Variants in DMD observed in about 807,000 individuals in gnomAD.
DMD encodes mutant dystrophin.
DMD carries 63 observed loss-of-function variants against 330.1 expected under a neutral mutation model. That is an observed-to-expected ratio of 0.19 (90% CI 0.16 to 0.24). The LOEUF (loss-of-function observed/expected upper bound fraction) is 0.24, where lower values mean the gene tolerates loss of function less well. Among genes scored for constraint, DMD ranks in the 10% least tolerant of loss-of-function variants. DMD has a pLI of 1.00. For missense variants in DMD, 3,344 were observed against 2,684.1 expected (o/e 1.25, Z -5.43); for synonymous variants, 1,223 against 959.8 (o/e 1.27, Z -5.07).
chrX:31,636,869 A>C (rs1264963498), intron 54 of DMD, among the ~76,000 whole-genome samples: 1 of 111,718 alleles, frequency 9.0e-6, no homozygotes, highest in Non-Finnish European at 1.9e-5. Flanking sequence ...TTGATTTAGA[A>C]AGAAGGCATT....
chrX:33,052,033 T>C (rs2094464259), intron 1 of DMD, among the ~76,000 whole-genome samples: 1 of 111,524 alleles, frequency 9.0e-6, no homozygotes, highest in African/African-American at 3.3e-5. Flanking sequence ...CAAAGACTTT[T>C]CTGAAATGTA....
At chrX:32,998,616 C>T (rs113983630) in intron 2 of DMD, among the ~76,000 whole-genome samples, 1,246 of 44,902 alleles carry the variant, frequency 0.028, 26 homozygotes, top group African/African-American at 0.06. Flanking sequence ...TATATATATA[C>T]ACACACACAC....
At chrX:32,829,987 G>C (rs2079032781) in intron 4 of DMD, among the ~76,000 whole-genome samples, 1 of 111,699 alleles carries the variant, frequency 9.0e-6, no homozygotes, top group Non-Finnish European at 1.9e-5. Context: ...TTTTGGTTGT[G>C]TTTTGTCTCT....
At chrX:33,214,189 G>A (rs189457813), upstream of DMD, among the ~76,000 whole-genome samples, 178 of 109,735 alleles carry the variant, frequency 1.6e-3, 1 homozygote, top group Non-Finnish European at 1.2e-3. Context: ...GGATATTTTC[G>A]TTGTTTCCAG....
At chrX:31,596,538 T>C in intron 55 of DMD, among the ~76,000 whole-genome samples, 1 of 111,658 alleles carries the variant, frequency 9.0e-6, no homozygotes, top group Non-Finnish European at 1.9e-5. Flanking sequence ...ATTTCAACTC[T>C]CAGAACCTGG....
intron 2 of DMD, among the ~76,000 whole-genome samples, chrX:32,901,266 T>C (rs1468053924): frequency 9.0e-6 from 1 of 111,639 alleles, no homozygotes; most frequent in East Asian, 2.8e-4. Flanking sequence ...GAAGGTAATC[T>C]CCCTTCTTAC....
intron 2 of DMD, among the ~76,000 whole-genome samples, chrX:32,871,631 T>C (rs748815081): frequency 3.6e-5 from 4 of 111,625 alleles, no homozygotes; most frequent in East Asian, 5.7e-4. Flanking sequence ...GCTGGGAAGA[T>C]TGTGTAAGAT....
At chrX:31,296,229 C>T (rs1056314242) in intron 62 of DMD, among the ~76,000 whole-genome samples, 1 of 111,051 alleles carries the variant, frequency 9.0e-6, no homozygotes, top group African/African-American at 3.3e-5. Flanking sequence ...TGGGAATAAA[C>T]TGAATGATTG....
chrX:32,469,673 T>C (rs2040416035), intron 22 of DMD, among the ~76,000 whole-genome samples: 2 of 111,629 alleles, frequency 1.8e-5, no homozygotes, highest in Admixed American at 1.9e-4. Flanking sequence ...AACTACACTT[T>C]GAGCTAGGTG....
At chrX:33,274,165 A>T (rs1410402792) in intron 1 of DMD, among the ~76,000 whole-genome samples, 1 of 112,231 alleles carries the variant, frequency 8.9e-6, no homozygotes, top group Non-Finnish European at 1.9e-5. Context: ...CAGGATTTAT[A>T]TAATTAGCTC....
At chrX:33,239,267 C>T (rs1328133414) in intron 1 of DMD, among the ~76,000 whole-genome samples, 16 of 50,628 alleles carry the variant, frequency 3.2e-4, no homozygotes, top group African/African-American at 1.2e-3. Flanking sequence ...GAGCAAGACT[C>T]TGTCTCCAAA....
At chrX:32,800,607 T>G (rs1168095046) in intron 7 of DMD, among the ~76,000 whole-genome samples, 2 of 111,353 alleles carry the variant, frequency 1.8e-5, no homozygotes, top group Admixed American at 9.6e-5. Flanking sequence ...GTGCAGAACG[T>G]GCAGGTTTGT....
At chrX:33,297,054 G>C (rs1396230358) in intron 1 of DMD, among the ~76,000 whole-genome samples, 1 of 110,476 alleles carries the variant, frequency 9.1e-6, no homozygotes, top group Non-Finnish European at 1.9e-5. Context: ...AGATGAGGTG[G>C]GATACACTAA....
chrX:31,454,596 T>C (rs1011588315), intron 59 of DMD, among the ~76,000 whole-genome samples: 6 of 111,786 alleles, frequency 5.4e-5, no homozygotes, highest in African/African-American at 1.3e-4. Context: ...GTGCATCTCA[T>C]TGTCATGTGG....
intron 53 of DMD, among the ~76,000 whole-genome samples, chrX:31,662,677 T>C (rs1169016539): frequency 9.0e-6 from 1 of 111,650 alleles, no homozygotes; most frequent in Non-Finnish European, 1.9e-5. Context: ...CCAGGAAGTT[T>C]TGCTTGTCCA....
intron 55 of DMD, among the ~76,000 whole-genome samples, chrX:31,626,284 C>CG: frequency 9.0e-6 from 1 of 111,487 alleles, no homozygotes; most frequent in African/African-American, 3.3e-5. Flanking sequence ...CGCATCTGGC[C>CG]GGGAAACCCA....
Position 32,974,397 on chromosome X carries a change from C to T in DMD, c.93+45742G>A, listed in dbSNP as rs145698945. On this transcript the variant is annotated intron_variant, in intron 2 of 78. Coordinates refer to ENST00000357033, the MANE Select transcript of DMD (RefSeq NM_004006.3). ...ATAGTTGCATAGCTCTGTGAACATA[C>T]TGAAAAAACACTGAATTGTACACTT... Among the ~76,000 whole-genome samples the T allele has an allele frequency of 5.7e-4, 63 of 111,049 alleles. 1 individual carries two copies. The East Asian group carries it at 0.013, about 23-fold the overall frequency.
rs56390411 is a variant in DMD at position 32,325,801 on chromosome X, A to ATT, written c.5923-15527_5923-15526dup. Among the ~76,000 whole-genome samples the ATT allele has an allele frequency of 2.5e-3, 202 of 81,648 alleles. 2 individuals carry two copies. The highest frequency in any genetic ancestry group is 6.9e-3 in the African/African-American group (158 of 22,838). The allele number at this position is 81,648 out of a possible 115,157, so 70.9% of individuals were successfully genotyped here. On this transcript the variant is annotated intron_variant, in intron 41 of 78. Transcript: ENST00000357033. Reference sequence around the variant, plus strand: ...TATTTTAATTGATCTTAAGTACTCAATTTTTTTTTTTTTTTTTTTTGAGAC... The same window carrying ATT: ...TATTTTAATTGATCTTAAGTACTCAATTTTTTTTTTTTTTTTTTTTTTGAGAC...
chrX:32,454,901 T>C, intron 25 of DMD, 69 bp from the exon 26 acceptor site: 1 of 1,124,709 alleles, frequency 8.9e-7, no homozygotes, highest in South Asian at 1.9e-5. Context: ...TATTATTTCA[T>C]CAGTATGTAA....
Sources: gnomAD v4.1 joint callset for allele counts (sites outside exome capture counted in the v4.1 genomes callset) on GRCh38, gnomAD v4.1.1 for gene constraint, MANE v1.5 for transcripts, NCBI Gene and HGNC (gene_info 2026-07-23, HGNC 2026-07-21) for gene names.